The following ATRN variants were observed in gnomAD, a reference collection of about 807,000 sequenced individuals.
The protein encoded by ATRN is attractin, also known as attractin-2.
Under a neutral mutation model 178.7 loss-of-function variants are expected in ATRN, and 54 were observed. The ratio of observed to expected loss-of-function variants is 0.30; its 90% CI spans 0.24 to 0.38. ATRN has a LOEUF of 0.38. ATRN is among the 10% of genes least tolerant of loss of function. The pLI is 1.00. For synonymous variants in ATRN, 636 were observed against 663.0 expected, an observed-to-expected ratio of 0.96 and a Z score of 0.63; for missense variants, 1,443 against 1,815.1, an observed-to-expected ratio of 0.79 and a Z score of 3.73.
Position 3,565,365 on chromosome 20 carries a change from G to A in ATRN, c.1804G>A (p.Val602Met), listed in dbSNP as rs148538575. 1 of 1,614,026 alleles carries A rather than the reference G, an allele frequency of 6.2e-7. No homozygotes were observed. The highest frequency in any genetic ancestry group is 8.5e-7 in the Non-Finnish European group (1 of 1,179,974). The change falls in exon 11 of 29, where the codon GTG becomes ATG. Residue 602 changes from valine (V) to methionine (M), a missense_variant. Val to Met is a conservative substitution (Grantham distance 21, BLOSUM62 1). Transcript: ENST00000262919. ...AYDIACDRWS[V>M]LPRPDLHHDV... ...TCTCCTAGCCTGTGACCGCTGGTCA[G>A]TGCTTCCCAGACCTGATCTCCACCA...
At chr20:3,538,106 C>G (rs1342551223) in intron 2 of ATRN, among the ~76,000 whole-genome samples, 2 of 129,202 alleles carry the variant, frequency 1.5e-5, no homozygotes, top group Non-Finnish European at 1.6e-5. Context: ...ATCCCTCCCC[C>G]CTCCCCCCAC....
chr20:3,582,475 G>C, intron 16 of ATRN, 121 bp downstream of exon 16: 1 of 914,258 alleles, frequency 1.1e-6, no homozygotes, highest in African/African-American at 1.6e-5. Context: ...TTGATTTCAA[G>C]CATGCAAAGA....
chr20:3,584,598 A>G (rs1260417050), intron 17 of ATRN, 49 bp from the exon 18 acceptor site: 2 of 1,349,248 alleles, frequency 1.5e-6, no homozygotes, highest in Admixed American at 4.1e-5. Context: ...AAATACAGTG[A>G]ATTCAGATCT....
At chr20:3,616,761 A>G (rs1006138961) in intron 24 of ATRN, among the ~76,000 whole-genome samples, 2 of 152,122 alleles carry the variant, frequency 1.3e-5, no homozygotes, top group African/African-American at 4.8e-5. Context: ...GGAAGGAGCC[A>G]GGCCTAAGTC....
chr20:3,515,586 T>G (rs2085196112), intron 1 of ATRN, among the ~76,000 whole-genome samples: 1 of 152,170 alleles, frequency 6.6e-6, no homozygotes, highest in Non-Finnish European at 1.5e-5. Context: ...AGGGTTAAAG[T>G]CCAGTTGGAG....
chr20:3,617,590 G>A (rs1488744750), intron 24 of ATRN, among the ~76,000 whole-genome samples: 2 of 152,004 alleles, frequency 1.3e-5, no homozygotes, highest in Admixed American at 6.6e-5. Flanking sequence ...AGCCTGAGAC[G>A]GAAGGATCAC....
At chr20:3,603,401 A>G (rs1432710681) in intron 23 of ATRN, among the ~76,000 whole-genome samples, 1 of 151,804 alleles carries the variant, frequency 6.6e-6, no homozygotes, top group East Asian at 1.9e-4. Flanking sequence ...TGGTATCTGT[A>G]TTTTCATGAT....
intron 18 of ATRN, among the ~76,000 whole-genome samples, chr20:3,590,414 G>A (rs2086424191): frequency 6.6e-6 from 1 of 152,214 alleles, no homozygotes; most frequent in Non-Finnish European, 1.5e-5. Context: ...CTATGTAAAT[G>A]TTTCCCCCAT....
intron 1 of ATRN, among the ~76,000 whole-genome samples, chr20:3,472,870 G>A (rs1337191969): frequency 6.6e-6 from 1 of 152,230 alleles, no homozygotes; most frequent in East Asian, 1.9e-4. Flanking sequence ...AGGCTGGAAA[G>A]TAAAGTTTTG....
intron 27 of ATRN, among the ~76,000 whole-genome samples, chr20:3,641,313 G>A (rs562030689): frequency 1.7e-4 from 26 of 152,190 alleles, no homozygotes; most frequent in Admixed American, 6.5e-5. Flanking sequence ...AAAAGAGGCC[G>A]GGTGTGGTGG....
chr20:3,627,021 A>G (rs1462805841), intron 25 of ATRN, among the ~76,000 whole-genome samples: 1 of 152,086 alleles, frequency 6.6e-6, no homozygotes, highest in Non-Finnish European at 1.5e-5. Flanking sequence ...TCCTGACCTC[A>G]AGTGATCCAC....
At chr20:3,531,274 A>G (rs2085450100) in intron 1 of ATRN, among the ~76,000 whole-genome samples, 1 of 152,254 alleles carries the variant, frequency 6.6e-6, no homozygotes, top group Admixed American at 6.5e-5. Context: ...TGTGGGGAAT[A>G]GCATATTCTC....
intron 3 of ATRN, among the ~76,000 whole-genome samples, chr20:3,540,895 A>C (rs2085609604): frequency 6.6e-6 from 1 of 152,080 alleles, no homozygotes; most frequent in East Asian, 1.9e-4. Context: ...ATTTTTTTTC[A>C]ATAAGTACAT....
intron 1 of ATRN, among the ~76,000 whole-genome samples, chr20:3,483,416 C>G (rs749189625): frequency 6.6e-6 from 1 of 152,092 alleles, no homozygotes; most frequent in African/African-American, 2.4e-5. Context: ...ATGTAATCAC[C>G]GCTCACTGCA....
intron 6 of ATRN, among the ~76,000 whole-genome samples, chr20:3,551,386 T>C (rs891710609): frequency 6.6e-6 from 1 of 152,164 alleles, no homozygotes; most frequent in Admixed American, 6.5e-5. Flanking sequence ...GTTCCAGGGC[T>C]CCCCTTGGGA....
chr20:3,543,749 A>G (rs1023058149), intron 3 of ATRN, among the ~76,000 whole-genome samples: 2 of 151,332 alleles, frequency 1.3e-5, no homozygotes, highest in African/African-American at 4.9e-5. Context: ...AAATGAATGA[A>G]GGGCCAGGCA....
At chr20:3,526,606 A>C (rs534383994) in intron 1 of ATRN, among the ~76,000 whole-genome samples, 16 of 152,320 alleles carry the variant, frequency 1.1e-4, no homozygotes, top group Non-Finnish European at 2.2e-4. Context: ...ATATGGAGCC[A>C]AAAAAGAGCC....
Position 3,471,094 on chromosome 20 carries a change from T to C in ATRN, c.-14T>C. The C allele has an allele frequency of 6.6e-7, 1 of 1,507,588 alleles. No homozygotes were observed. The highest frequency in any genetic ancestry group is 1.4e-5 in the African/African-American group (1 of 69,568). 93.4% of individuals were successfully genotyped at this position (1,507,588 alleles called of 1,614,324 possible). A position where few individuals can be genotyped will look rare whatever the true frequency, so the allele number is the denominator to read the frequency against. On this transcript the variant is annotated 5_prime_UTR_variant, in exon 1 of 29. Coordinates refer to ENST00000262919, the MANE Select transcript of ATRN (RefSeq NM_139321.3). ...GTGTATGTGTTCGCGGGGCGCCGTC[T>C]CAGCCCCGGGAAGATGGTGGCTGCA...
rs939312512 is a variant in ATRN, at chr20:3,628,769, T to C, written c.3863+4197T>C. On this transcript the variant is annotated intron_variant, in intron 25 of 28. Transcript: ENST00000262919. ...TCCTCTTCTTGACTTCTCGGTGATA[T>C]CAACCAACTGACTGCTTCATGAGCG... The C allele has an allele frequency of 4.0e-5, 20 of 503,196 alleles. No homozygotes were observed. In the African/African-American group the frequency reaches 4.2e-4, roughly 11 times the overall value. The allele number at this position is 503,196 out of a possible 1,614,324, so 31.2% of individuals were successfully genotyped here.
Sources: allele counts gnomAD v4.1 joint callset (sites outside exome capture counted in the v4.1 genomes callset), GRCh38; gene constraint gnomAD v4.1.1; transcripts MANE v1.5; gene names NCBI Gene and HGNC (gene_info 2026-07-23, HGNC 2026-07-21).